Variants in GAS6 observed in about 807,000 individuals in gnomAD.
GAS6 encodes growth arrest specific 6, also known as growth arrest-specific protein 6.
A neutral mutation model predicts 75.8 loss-of-function variants in GAS6; 41 were observed. The ratio of observed to expected loss-of-function variants is 0.54; its 90% confidence interval spans 0.42 to 0.70. GAS6 has a LOEUF of 0.70. GAS6 is among the 30% of genes least tolerant of loss of function. The probability of loss-of-function intolerance (pLI) is 0.00; values close to 1 mark genes in which losing one functional copy is unlikely to be tolerated. For synonymous variants in GAS6, 432 were observed against 412.6 expected (o/e 1.05, Z -0.57); for missense variants, 854 against 940.2 (o/e 0.91, Z 1.20).
intron 12 of GAS6, among the ~76,000 whole-genome samples, chr13:113,824,159 C>A (rs374068820): frequency 3.5e-5 from 3 of 86,866 alleles, no homozygotes; most frequent in African/African-American, 8.7e-5. Flanking sequence ...GTCGGGAGCA[C>A]GCGTGGTCTG....
At position 113,828,526 on chromosome 13, in the gene GAS6, AGG is replaced by A; in HGVS notation, c.1308+19_1308+20del. ...ATCCCAGCACACGGCGCGTCTACAC[AGG>A]GACAGGTACAGTACTCACAGGCTGC... On this transcript the variant is annotated intron_variant, in intron 11 of 14. Coordinates refer to ENST00000327773, the MANE Select transcript of GAS6 (RefSeq NM_000820.4). The A allele has an allele frequency of 1.9e-6, 3 of 1,603,608 alleles. No individual in the cohort carries two copies. The South Asian group carries it at 3.3e-5, about 18-fold the overall frequency.
In GAS6 at chr13:113,820,864, C is replaced by T. The variant is rs757741900; in HGVS notation, c.2037G>A (p.Ter679=). 26 of 1,609,440 alleles carry T rather than the reference C, an allele frequency of 1.6e-5. No individual in the cohort carries two copies. In the Admixed American group the frequency reaches 4.2e-4, roughly 26 times the overall value. ...GAAGCCTGCCGCGTCCCGTGGGGGC[C>T]TAGGCTGCGGCGGGCTCCACGGGGG... ...SCPPVEPAAA[*] The change falls in exon 15 of 15, where the codon TAG becomes TAA. Residue 679 remains the stop codon, a stop_retained_variant. Coordinates refer to ENST00000327773, the MANE Select transcript of GAS6 (RefSeq NM_000820.4).
intron 12 of GAS6, among the ~76,000 whole-genome samples, chr13:113,826,060 A>G (rs1009501755): frequency 4.7e-4 from 71 of 152,180 alleles, no homozygotes; most frequent in Admixed American, 1.3e-3. Flanking sequence ...TGGGAATGTG[A>G]GGCAGGGTGG....
intron 12 of GAS6, among the ~76,000 whole-genome samples, chr13:113,826,510 AGGCACCTTCTCTCCCCG>A (rs2051545577): frequency 9.9e-6 from 1 of 100,738 alleles, no homozygotes; most frequent in Admixed American, 9.5e-5. Context: ...CCGGCCTCGC[AGGCACCTTCTCTCCCCG>A]GCCTCCCGGC....
At chr13:113,852,330 C>T (rs1358754022) in intron 2 of GAS6, among the ~76,000 whole-genome samples, 1 of 152,172 alleles carries the variant, frequency 6.6e-6, no homozygotes, top group African/African-American at 2.4e-5. Flanking sequence ...AGGCTGGGAG[C>T]CCCGTCTGCA....
Position 113,820,697 on chromosome 13 carries a change from G to A in GAS6, c.*167C>T. 2.5e-6 allele frequency: 2 copies of A among 800,162 alleles called. No homozygotes were observed. Among genetic ancestry groups the A allele is most frequent in the South Asian group, 3.8e-5 (2 of 51,984 alleles). 49.6% of individuals were successfully genotyped at this position (800,162 alleles called of 1,614,324 possible). ...GCCCGGGCCCACGGCTGAGTGCGCGGCGTCAGAGGCCCCAAGTCCATCTCA... is the reference window on the plus strand; with the variant it reads ...GCCCGGGCCCACGGCTGAGTGCGCGACGTCAGAGGCCCCAAGTCCATCTCA... On this transcript the variant is annotated 3_prime_UTR_variant, in exon 15 of 15. Coordinates refer to ENST00000327773, the MANE Select transcript of GAS6 (RefSeq NM_000820.4).
Position 113,820,837 on chromosome 13 carries a change from G to A in GAS6, c.*27C>T, listed in dbSNP as rs762873960. 1 of 1,602,186 alleles carries A rather than the reference G, an allele frequency of 6.2e-7. No homozygotes were observed. ...CTCCCGGCTGTCTCGGACAGAGACT[G>A]AGAAGCCTGCCGCGTCCCGTGGGGG... On this transcript the variant is annotated 3_prime_UTR_variant, in exon 15 of 15. Transcript: ENST00000327773.
chr13:113,840,288 G>A (rs2051761935), intron 4 of GAS6: 1 of 180,732 alleles, frequency 5.5e-6, no homozygotes, highest in South Asian at 1.2e-4. Context: ...CCTGCTGGGT[G>A]TGGCGGGGAG....
At position 113,835,991 on chromosome 13, in the gene GAS6, C is replaced by G. The variant is rs367923529; in HGVS notation, c.590-356G>C. The G allele has an allele frequency of 2.6e-4, 277 of 1,057,334 alleles. 1 individual carries two copies. The East Asian group carries it at 0.016, about 63-fold the overall frequency. 65.5% of individuals were successfully genotyped at this position (1,057,334 alleles called of 1,614,324 possible). ...GCCGTAAAAAGTAACCCCCCGGGGG[C>G]ATTTGAAACTAAAACCCCAACCCCA... is the stretch of plus-strand genomic sequence containing the variant. On this transcript the variant is annotated intron_variant, in intron 6 of 14. Coordinates refer to ENST00000327773, the MANE Select transcript of GAS6 (RefSeq NM_000820.4).
rs1272054187 is a variant in GAS6, at chr13:113,837,791, G to C, written c.589+278C>G. Among the ~76,000 whole-genome samples, 1 of 152,256 alleles carries C rather than the reference G, an allele frequency of 6.6e-6. No homozygotes were observed. The highest frequency in any genetic ancestry group is 1.5e-5 in the Non-Finnish European group (1 of 67,990). On this transcript the variant is annotated intron_variant, in intron 6 of 14. Transcript: ENST00000327773. This position sits in a 1 kb window ranked among gnomAD's most constrained non-coding sequence, Gnocchi z 5.1. ...ACTTCCAGGCTCTGTGAGGCTCTGG[G>C]GAATGGACGAGGCCCTACAGCCAGC...
At chr13:113,838,274 GC>G in intron 5 of GAS6, 83 bp from the exon 6 acceptor site, 1 of 1,553,316 alleles carries the variant, frequency 6.4e-7, no homozygotes, top group South Asian at 1.1e-5. Flanking sequence ...GAGGTGCACA[GC>G]CCAGCCCTGG....
intron 10 of GAS6, among the ~76,000 whole-genome samples, chr13:113,829,560 G>A (rs1013208515): frequency 1.4e-5 from 2 of 147,204 alleles, no homozygotes; most frequent in Admixed American, 6.8e-5. Context: ...ACTTCAGAGA[G>A]ACCACCTGAT....
At chr13:113,846,466 CAAGCCTA>C in intron 4 of GAS6, 54 bp downstream of exon 4, 2 of 1,474,258 alleles carry the variant, frequency 1.4e-6, no homozygotes, top group Admixed American at 3.3e-5. Flanking sequence ...AAACCACAGC[CAAGCCTA>C]AAGCCGCCCA....
At chr13:113,856,002 G>A (rs995001301) in intron 2 of GAS6, among the ~76,000 whole-genome samples, 13 of 152,174 alleles carry the variant, frequency 8.5e-5, no homozygotes, top group African/African-American at 2.7e-4. Flanking sequence ...TGTGAGGACC[G>A]GCCAGGCCTG....
In GAS6 at chr13:113,820,793, G is replaced by T. The variant is rs1460243114; in HGVS notation, c.*71C>A. Reference sequence around the variant, plus strand: ...CCAGCTCTCAGCATGGCCCCACGTGGTGAGGAGCCCCCAGGCTCCTCCCGG... The same window carrying T: ...CCAGCTCTCAGCATGGCCCCACGTGTTGAGGAGCCCCCAGGCTCCTCCCGG... On this transcript the variant is annotated 3_prime_UTR_variant, in exon 15 of 15. Coordinates refer to ENST00000327773, the MANE Select transcript of GAS6 (RefSeq NM_000820.4). 5.3e-6 allele frequency: 8 copies of T among 1,516,204 alleles called. No homozygotes were observed. The highest frequency in any genetic ancestry group is 1.9e-5 in the Admixed American group (1 of 52,432). The allele number at this position is 1,516,204 out of a possible 1,614,324, so 93.9% of individuals were successfully genotyped here. A position where few individuals can be genotyped will look rare whatever the true frequency, so the allele number is the denominator to read the frequency against.
rs562065946 is a variant in GAS6, at chr13:113,850,404, C to T, written c.256-2354G>A. On this transcript the variant is annotated intron_variant, in intron 2 of 14. Transcript: ENST00000327773. ...CTTCTAAACCTAGGAAGAGCAAGACCTATGGTAATGGGTTGGCGTGCTGGG... is the reference window on the plus strand; with the variant it reads ...CTTCTAAACCTAGGAAGAGCAAGACTTATGGTAATGGGTTGGCGTGCTGGG... Among the ~76,000 whole-genome samples the T allele has an allele frequency of 1.1e-4, 17 of 152,208 alleles. No individual in the cohort carries two copies. In the East Asian group the frequency reaches 2.5e-3, roughly 22 times the overall value.
At position 113,859,181 on chromosome 13, in the gene GAS6, C is replaced by T. The variant is rs1370741550; in HGVS notation, c.255+4394G>A. Among the ~76,000 whole-genome samples, 6 of 131,468 alleles carry T rather than the reference C, an allele frequency of 4.6e-5. No homozygotes were observed. In the East Asian group the frequency reaches 1.2e-3, roughly 26 times the overall value. 86.2% of individuals were successfully genotyped at this position (131,468 alleles called of 152,430 possible). A position where few individuals can be genotyped will look rare whatever the true frequency, so the allele number is the denominator to read the frequency against. On this transcript the variant is annotated intron_variant, in intron 2 of 14. Coordinates refer to ENST00000327773, the MANE Select transcript of GAS6 (RefSeq NM_000820.4). ...ATGTGTACATGTCTGCTAGTATGTG[C>T]CTTTGTGTGTGCATGTCTGTGTGTG...
intron 3 of GAS6, chr13:113,847,789 G>T: frequency 1.8e-6 from 1 of 559,132 alleles, no homozygotes; most frequent in East Asian, 3.3e-5. Context: ...TCAGAGAAGG[G>T]GTTTGCAGAT....
intron 4 of GAS6, chr13:113,842,970 C>T (rs2051801709): frequency 2.5e-6 from 1 of 396,266 alleles, no homozygotes; most frequent in Admixed American, 4.4e-5. Context: ...CGGGGCCTCC[C>T]CCAACTCATT....
Sources: gnomAD v4.1 joint callset for allele counts (sites outside exome capture counted in the v4.1 genomes callset) on GRCh38, gnomAD v4.1.1 for gene constraint, Gnocchi (gnomAD v3.1) non-coding constraint, MANE v1.5 for transcripts, NCBI Gene and HGNC (gene_info 2026-07-23, HGNC 2026-07-21) for gene names.